CYP4X1: variants seen among roughly 807,000 people sequenced by gnomAD.
CYP4X1 encodes cytochrome P450 4X1.
Under a neutral mutation model 57.9 loss-of-function variants are expected in CYP4X1, and 44 were observed. The ratio of observed to expected loss-of-function variants is 0.76; its 90% confidence interval spans 0.60 to 0.98. The LOEUF (loss-of-function observed/expected upper bound fraction) is 0.98, where lower values mean the gene tolerates loss of function less well. Among genes scored for constraint, CYP4X1 ranks in the 50% least tolerant of loss-of-function variants. The pLI is 0.00. For synonymous variants in CYP4X1, 227 were observed against 228.6 expected (o/e 0.99, Z 0.06); for missense variants, 532 against 623.9 (o/e 0.85, Z 1.57).
chr1:47,040,262 G>A (rs904003337), intron 8 of CYP4X1, among the ~76,000 whole-genome samples: 2 of 152,044 alleles, frequency 1.3e-5, no homozygotes, highest in East Asian at 1.9e-4. Flanking sequence ...TGACATTTAC[G>A]CTGACTGCAG....
chr1:47,051,318 G>A (rs1411998773), downstream of CYP4X1, among the ~76,000 whole-genome samples: 3 of 151,232 alleles, frequency 2.0e-5, no homozygotes, highest in Non-Finnish European at 4.4e-5. Context: ...GGGGGAGGTT[G>A]CAGTGAGCCG....
In CYP4X1 at chr1:47,035,947, G is replaced by A. The variant is rs1199954018; in HGVS notation, c.620+14G>A. On this transcript the variant is annotated intron_variant, in intron 5 of 11. Transcript: ENST00000371901. ...CCAGACAAACAGGTCAGTGGTGGGA[G>A]AGCAAAAAAGATATTTCTTCACATT... The A allele has an allele frequency of 6.2e-7, 1 of 1,611,034 alleles. No individual in the cohort carries two copies. The highest frequency in any genetic ancestry group is 1.3e-5 in the African/African-American group (1 of 74,694).
At chr1:47,045,035 G>A (rs1051601276) in intron 8 of CYP4X1, among the ~76,000 whole-genome samples, 1 of 152,086 alleles carries the variant, frequency 6.6e-6, no homozygotes, top group Non-Finnish European at 1.5e-5. Context: ...ATGTTGGTCA[G>A]GCTGGTCTTG....
chr1:46,981,187 G>A, the CYP4X1 span, among the ~76,000 whole-genome samples: 5 of 152,136 alleles, frequency 3.3e-5, no homozygotes, highest in African/African-American at 4.8e-5. Context: ...CCATCAGAGT[G>A]AACAGGCCAC....
chr1:47,034,150 A>T (rs1166944892), intron 4 of CYP4X1, among the ~76,000 whole-genome samples: 1 of 152,222 alleles, frequency 6.6e-6, no homozygotes, highest in Non-Finnish European at 1.5e-5. Context: ...TATGTAGGTA[A>T]TATGGATGAG....
upstream of CYP4X1, among the ~76,000 whole-genome samples, chr1:47,021,031 T>C (rs1239373207): frequency 6.6e-6 from 1 of 151,186 alleles, no homozygotes; most frequent in Non-Finnish European, 1.5e-5. Flanking sequence ...ATGGGGCTTA[T>C]TTCCATCTAG....
chr1:46,976,441 A>T, the CYP4X1 span, among the ~76,000 whole-genome samples: 7,630 of 152,178 alleles, frequency 0.05, 579 homozygotes, highest in African/African-American at 0.15. Flanking sequence ...ACAAAGCAGC[A>T]GGGAATCTCG....
At chr1:47,008,756 G>T in the CYP4X1 span, among the ~76,000 whole-genome samples, 31 of 151,962 alleles carry the variant, frequency 2.0e-4, no homozygotes, top group African/African-American at 7.5e-4. Flanking sequence ...AAACAAAAAG[G>T]CAGGGGTTGC....
At chr1:46,973,376 GC>G in the CYP4X1 span, among the ~76,000 whole-genome samples, 1 of 152,018 alleles carries the variant, frequency 6.6e-6, no homozygotes, top group Non-Finnish European at 1.5e-5. Context: ...AGGGGTATTG[GC>G]CTGATGTTTT....
the CYP4X1 span, among the ~76,000 whole-genome samples, chr1:47,011,573 TAA>T: frequency 6.6e-6 from 1 of 152,086 alleles, no homozygotes. Flanking sequence ...CTAATTAAAC[TAA>T]AGAGTTTCTG....
At chr1:47,048,954 A>T (rs1488286925) in intron 10 of CYP4X1, among the ~76,000 whole-genome samples, 2 of 152,224 alleles carry the variant, frequency 1.3e-5, no homozygotes, top group Non-Finnish European at 2.9e-5. Context: ...TTCTAAGTGG[A>T]TGTATCTCCA....
At chr1:46,975,334 T>A in the CYP4X1 span, among the ~76,000 whole-genome samples, 1 of 152,212 alleles carries the variant, frequency 6.6e-6, no homozygotes, top group East Asian at 1.9e-4. Flanking sequence ...AGCACCCCCC[T>A]GGGACCTTTT....
chr1:47,039,308 A>G lies in CYP4X1; in HGVS notation c.883-34A>G, dbSNP rs764074417. On this transcript the variant is annotated intron_variant, in intron 7 of 11. Transcript: ENST00000371901. ...TATCTCCAAACATTTATAAACTGGC[A>G]TTTTATTTAAAATATTTGTATTGTA... 1.2e-5 allele frequency: 18 copies of G among 1,518,922 alleles called. No individual in the cohort carries two copies. The Admixed American group carries it at 3.6e-4, about 30-fold the overall frequency. 94.1% of individuals were successfully genotyped at this position (1,518,922 alleles called of 1,614,324 possible).
the CYP4X1 span, among the ~76,000 whole-genome samples, chr1:46,985,276 C>T: frequency 2.6e-5 from 4 of 152,076 alleles, no homozygotes; most frequent in South Asian, 2.1e-4. Context: ...TGCAGTGAGC[C>T]GAGATCATGC....
chr1:47,022,914 A>G (rs1466840136), upstream of CYP4X1, among the ~76,000 whole-genome samples: 1 of 152,176 alleles, frequency 6.6e-6, no homozygotes, highest in Non-Finnish European at 1.5e-5. Flanking sequence ...ATCCTAGTTC[A>G]CCACCTGATA....
the CYP4X1 span, among the ~76,000 whole-genome samples, chr1:47,005,118 G>T: frequency 6.6e-6 from 1 of 152,182 alleles, no homozygotes; most frequent in Non-Finnish European, 1.5e-5. Flanking sequence ...ATGCCCTGAG[G>T]AATCCTCTGG....
At chr1:46,984,249 C>T in the CYP4X1 span, among the ~76,000 whole-genome samples, 1 of 151,924 alleles carries the variant, frequency 6.6e-6, no homozygotes, top group Non-Finnish European at 1.5e-5. Flanking sequence ...TGCACCAATC[C>T]CCAGTGAGCA....
At chr1:46,999,556 CT>C in the CYP4X1 span, among the ~76,000 whole-genome samples, 1 of 151,810 alleles carries the variant, frequency 6.6e-6, no homozygotes, top group South Asian at 2.1e-4. Context: ...ATTTTTTGGT[CT>C]CGATTTTATT....
chr1:46,983,498 G>A, the CYP4X1 span, among the ~76,000 whole-genome samples: 7 of 152,262 alleles, frequency 4.6e-5, no homozygotes, highest in Admixed American at 4.6e-4. Flanking sequence ...CCTGTGGATT[G>A]TCTCTGGGAT....
Sources: allele counts gnomAD v4.1 joint callset (sites outside exome capture counted in the v4.1 genomes callset), GRCh38; gene constraint gnomAD v4.1.1; transcripts MANE v1.5; gene names NCBI Gene and HGNC (gene_info 2026-07-23, HGNC 2026-07-21).